Variants in SH3GL3 observed in about 807,000 individuals in gnomAD.
SH3GL3 encodes endophilin-A3.
In SH3GL3, 33 loss-of-function variants were observed where a neutral mutation model predicts 47.7. The ratio of observed to expected loss-of-function variants is 0.69; its 90% CI spans 0.52 to 0.92. The LOEUF (loss-of-function observed/expected upper bound fraction) is 0.92. SH3GL3 is among the 40% of genes least tolerant of loss of function. The pLI, the probability that SH3GL3 is intolerant of heterozygous loss-of-function variation, is 0.00. For missense variants in SH3GL3, 363 were observed against 417.8 expected (o/e 0.87, Z 1.14); for synonymous variants, 155 against 148.8 (o/e 1.04, Z -0.30).
At chr15:83,485,784 A>G (rs1429820759) in intron 1 of SH3GL3, among the ~76,000 whole-genome samples, 1 of 152,192 alleles carries the variant, frequency 6.6e-6, no homozygotes, top group Non-Finnish European at 1.5e-5. Flanking sequence ...GGCATGAGCC[A>G]CCATGCCTGG....
intron 1 of SH3GL3, among the ~76,000 whole-genome samples, chr15:83,495,031 A>G (rs1394851188): frequency 6.6e-6 from 1 of 151,840 alleles, no homozygotes; most frequent in Non-Finnish European, 1.5e-5. Context: ...ACAGGTGGAG[A>G]GGCTTAGTTC....
chr15:83,481,618 A>G (rs1173415318), intron 1 of SH3GL3, among the ~76,000 whole-genome samples: 1 of 152,220 alleles, frequency 6.6e-6, no homozygotes, highest in Non-Finnish European at 1.5e-5. Context: ...CTTTAATCAT[A>G]TATCTGAAAG....
chr15:83,616,270 T>TTGG (rs2060811385), intron 8 of SH3GL3, among the ~76,000 whole-genome samples: 1 of 149,796 alleles, frequency 6.7e-6, no homozygotes, highest in Non-Finnish European at 1.5e-5. Flanking sequence ...TTTTTTTTTT[T>TTGG]GAGATGGAGT....
At chr15:83,599,655 C>T (rs1294633720) in intron 8 of SH3GL3, among the ~76,000 whole-genome samples, 2 of 152,144 alleles carry the variant, frequency 1.3e-5, no homozygotes, top group Admixed American at 6.6e-5. Flanking sequence ...TATAAACATG[C>T]GTGTGCAAGT....
chr15:83,587,052 A>T lies in SH3GL3; in HGVS notation c.694A>T (p.Ile232Phe). The T allele has an allele frequency of 6.2e-7, 1 of 1,610,154 alleles. No individual in the cohort carries two copies. Among genetic ancestry groups the T allele is most frequent in the Non-Finnish European group, 8.5e-7 (1 of 1,177,836 alleles). ...AGACTATCACAGACAGTCCACAGAG[A>T]TTCTGCAGGAGCTGCAGAGCAAGCT... ...ALDYHRQSTE[I>F]LQELQSKLQM... Residue 232 changes from isoleucine (I) to phenylalanine (F), a missense_variant, in exon 7 of 9, where the codon ATT becomes TTT. Ile to Phe is a conservative substitution (Grantham distance 21). Coordinates refer to ENST00000427482, the MANE Select transcript of SH3GL3 (RefSeq NM_003027.5).
At chr15:83,472,504 A>G (rs989520126) in intron 1 of SH3GL3, among the ~76,000 whole-genome samples, 6 of 151,886 alleles carry the variant, frequency 4.0e-5, no homozygotes, top group African/African-American at 1.5e-4. Flanking sequence ...TGTGGGTGAG[A>G]TATAGGCTAA....
intron 1 of SH3GL3, among the ~76,000 whole-genome samples, chr15:83,526,022 A>G (rs2043406269): frequency 6.6e-6 from 1 of 152,140 alleles, no homozygotes; most frequent in Non-Finnish European, 1.5e-5. Flanking sequence ...TTGGTTCCAT[A>G]TGAATTTTAT....
chr15:83,502,832 A>T (rs1192633304), intron 1 of SH3GL3, among the ~76,000 whole-genome samples: 1 of 152,124 alleles, frequency 6.6e-6, no homozygotes, highest in Non-Finnish European at 1.5e-5. Context: ...TCCTGTTATG[A>T]CTTGTTCACA....
rs1016807105 is a variant in SH3GL3, at chr15:83,607,897, A to C, written c.839-10185A>C. Reference sequence around the variant, plus strand: ...ATAATAATACAAACAACAACAACAAAAAAAACAACCCACACACATTGGACC... The same window carrying C: ...ATAATAATACAAACAACAACAACAACAAAAACAACCCACACACATTGGACC... On this transcript the variant is annotated intron_variant, in intron 8 of 8. Coordinates refer to ENST00000427482, the MANE Select transcript of SH3GL3 (RefSeq NM_003027.5). Among the ~76,000 whole-genome samples the C allele has an allele frequency of 3.3e-5, 5 of 150,166 alleles. 1 individual carries two copies. The highest frequency in any genetic ancestry group is 6.9e-3 in the Middle Eastern group (2 of 288).
intron 1 of SH3GL3, among the ~76,000 whole-genome samples, chr15:83,487,085 A>G (rs978666856): frequency 1.3e-5 from 2 of 152,154 alleles, no homozygotes; most frequent in Non-Finnish European, 2.9e-5. Flanking sequence ...AGTCCATACA[A>G]TACTCATGTG....
At chr15:83,510,360 T>C (rs2042696496) in intron 1 of SH3GL3, among the ~76,000 whole-genome samples, 1 of 152,198 alleles carries the variant, frequency 6.6e-6, no homozygotes, top group African/African-American at 2.4e-5. Context: ...ATTAAGCTGA[T>C]GGCCCACTAT....
intron 1 of SH3GL3, among the ~76,000 whole-genome samples, chr15:83,552,319 C>G (rs1378852804): frequency 1.3e-5 from 2 of 152,194 alleles, no homozygotes; most frequent in African/African-American, 4.8e-5. Context: ...ACAGCTTTAG[C>G]TGCATACCAC....
intron 1 of SH3GL3, among the ~76,000 whole-genome samples, chr15:83,504,486 G>A (rs966993123): frequency 1.3e-5 from 2 of 152,210 alleles, no homozygotes; most frequent in Non-Finnish European, 2.9e-5. Context: ...ATAAAAGACT[G>A]TGGCTCCCAT....
At chr15:83,617,082 G>T (rs1567041978) in intron 8 of SH3GL3, among the ~76,000 whole-genome samples, 1 of 152,104 alleles carries the variant, frequency 6.6e-6, no homozygotes, top group South Asian at 2.1e-4. Context: ...CTGGGGTAAT[G>T]GTTTACAGCT....
At chr15:83,492,229 G>A (rs1441291392) in intron 1 of SH3GL3, among the ~76,000 whole-genome samples, 1 of 132,378 alleles carries the variant, frequency 7.6e-6, no homozygotes, top group Admixed American at 9.1e-5. Flanking sequence ...GTTGCAGTGA[G>A]CCAAGATCGC....
At chr15:83,558,022 G>A (rs2045052435) in intron 1 of SH3GL3, among the ~76,000 whole-genome samples, 2 of 152,140 alleles carry the variant, frequency 1.3e-5, no homozygotes, top group South Asian at 2.1e-4. Context: ...ATGTGTAATA[G>A]TAGTAGTAAC....
chr15:83,592,758 T>A (rs76547342), intron 8 of SH3GL3, among the ~76,000 whole-genome samples: 1,545 of 152,296 alleles, frequency 0.01, 24 homozygotes, highest in African/African-American at 0.035. Flanking sequence ...TCCTCCACAC[T>A]CTCTCCAACA....
chr15:83,479,690 A>G (rs2041258005), intron 1 of SH3GL3, among the ~76,000 whole-genome samples: 1 of 152,164 alleles, frequency 6.6e-6, no homozygotes. Context: ...AGGCCTCCAG[A>G]CTGAAGGTTG....
chr15:83,614,619 G>A (rs961091162), intron 8 of SH3GL3, among the ~76,000 whole-genome samples: 5 of 152,118 alleles, frequency 3.3e-5, no homozygotes, highest in Non-Finnish European at 5.9e-5. Flanking sequence ...TACTGATGCC[G>A]GGTTCACCCT....
Sources: gnomAD v4.1 joint callset for allele counts (sites outside exome capture counted in the v4.1 genomes callset) on GRCh38, gnomAD v4.1.1 for gene constraint, MANE v1.5 for transcripts, NCBI Gene and HGNC (gene_info 2026-07-23, HGNC 2026-07-21) for gene names.